GIGYF2: variants seen among roughly 807,000 people sequenced by gnomAD.
GIGYF2 encodes GRB10 interacting GYF protein 2.
GIGYF2 carries 25 observed loss-of-function variants against 208.1 expected under a neutral mutation model. The ratio of observed to expected loss-of-function variants is 0.12; its 90% CI spans 0.09 to 0.17. GIGYF2 has a LOEUF of 0.17. GIGYF2 is among the 10% of genes least tolerant of loss of function. GIGYF2 has a pLI of 1.00. For missense variants in GIGYF2, 1,302 were observed against 1,579.4 expected (o/e 0.82, Z 2.98); for synonymous variants, 534 against 543.8 (o/e 0.98, Z 0.25).
chr2:232,801,230 T>A (rs1021177122), intron 14 of GIGYF2, among the ~76,000 whole-genome samples: 1 of 152,138 alleles, frequency 6.6e-6, no homozygotes, highest in African/African-American at 2.4e-5. Flanking sequence ...ATTACATTTT[T>A]AAATAGTCAT....
At chr2:232,768,296 T>C in intron 8 of GIGYF2, 3 of 1,614,168 alleles carry the variant, frequency 1.9e-6, no homozygotes, top group Non-Finnish European at 2.5e-6. Context: ...CCAGAGGAGT[T>C]GGAAATTCAG....
intron 15 of GIGYF2, among the ~76,000 whole-genome samples, chr2:232,809,318 A>G (rs539846013): frequency 6.6e-6 from 1 of 152,330 alleles, no homozygotes; most frequent in East Asian, 1.9e-4. Flanking sequence ...AAAATTCTGT[A>G]ACATTTCCTT....
At chr2:232,762,346 G>A (rs577767003) in intron 8 of GIGYF2, among the ~76,000 whole-genome samples, 9 of 149,622 alleles carry the variant, frequency 6.0e-5, no homozygotes, top group Admixed American at 1.3e-4. Context: ...TATGCCTCCC[G>A]GGTTCAAGTG....
rs115923961 is a variant in GIGYF2 at position 232,837,608 on chromosome 2, C to T, written c.2767-2241C>T. Among the ~76,000 whole-genome samples, 1,175 of 152,070 alleles carry T rather than the reference C, an allele frequency of 7.7e-3. 14 individuals carry two copies. The highest frequency in any genetic ancestry group is 0.026 in the African/African-American group (1,077 of 41,478). Reference sequence around the variant, plus strand: ...GTAGCTGGATTAAAGGTGTGCGTCACCACACCCAGCTACTTTTTTTTTTTA... The same window carrying T: ...GTAGCTGGATTAAAGGTGTGCGTCATCACACCCAGCTACTTTTTTTTTTTA... On this transcript the variant is annotated intron_variant, in intron 22 of 28. Coordinates refer to ENST00000373563, the MANE Select transcript of GIGYF2 (RefSeq NM_001103146.3).
chr2:232,761,889 AT>A (rs1334108076), intron 8 of GIGYF2, among the ~76,000 whole-genome samples: 1 of 151,306 alleles, frequency 6.6e-6, no homozygotes, highest in East Asian at 1.9e-4. Context: ...AAAAAAAAAA[AT>A]AACTCAGATA....
intron 2 of GIGYF2, among the ~76,000 whole-genome samples, chr2:232,723,734 T>TC (rs1299836977): frequency 2.2e-5 from 3 of 134,694 alleles, no homozygotes; most frequent in Non-Finnish European, 4.8e-5. Flanking sequence ...GGCCTTTTTT[T>TC]TTTTTTTTTT....
At chr2:232,715,868 T>C (rs963208823) in intron 2 of GIGYF2, among the ~76,000 whole-genome samples, 13 of 151,298 alleles carry the variant, frequency 8.6e-5, no homozygotes, top group Admixed American at 4.6e-4. Flanking sequence ...CAAGTTAAAG[T>C]TGAAATGAGT....
intron 21 of GIGYF2, among the ~76,000 whole-genome samples, chr2:232,825,238 T>G (rs2106401166): frequency 6.6e-6 from 1 of 152,378 alleles, no homozygotes; most frequent in East Asian, 1.9e-4. Flanking sequence ...TAATGCTCTG[T>G]GTGTCATGGG....
intron 4 of GIGYF2, among the ~76,000 whole-genome samples, chr2:232,748,769 C>T (rs995002885): frequency 2.6e-5 from 4 of 152,178 alleles, no homozygotes; most frequent in Non-Finnish European, 5.9e-5. Context: ...AAGTGGCAAT[C>T]ACTTGAGAAG....
In GIGYF2 at chr2:232,791,397, G is replaced by C; in HGVS notation, c.1233G>C (p.Glu411Asp). 1 of 1,614,058 alleles carries C rather than the reference G, an allele frequency of 6.2e-7. No individual in the cohort carries two copies. The highest frequency in any genetic ancestry group is 8.5e-7 in the Non-Finnish European group (1 of 1,179,982). ...KTEQTEKAEE[E>D]TRMENSLPAK... ...AGCAAACGGAAAAAGCTGAAGAGGA[G>C]ACTCGGATGGAAAATAGTCTACCAG... Residue 411 changes from glutamate to aspartate, a missense_variant, in exon 12 of 29, where the codon GAG (glutamate) becomes GAC (aspartate). By Grantham distance (45) the Glu-to-Asp change is conservative (BLOSUM62 2). Transcript: ENST00000373563.
At chr2:232,812,878 G>T (rs1266427842) in intron 18 of GIGYF2, among the ~76,000 whole-genome samples, 1 of 152,136 alleles carries the variant, frequency 6.6e-6, no homozygotes, top group East Asian at 1.9e-4. Context: ...GTGTGTGCCT[G>T]TAGTGCTAGC....
intron 2 of GIGYF2, among the ~76,000 whole-genome samples, chr2:232,726,917 A>G (rs1223979525): frequency 2.6e-5 from 4 of 152,232 alleles, no homozygotes; most frequent in South Asian, 2.1e-4. Context: ...AGCATTGTTC[A>G]TAAAGGCAAA....
At position 232,857,288 on chromosome 2, in the gene GIGYF2, A is replaced by G. The variant is rs1690614857; in HGVS notation, c.*428A>G. The G allele has an allele frequency of 1.1e-5, 3 of 278,562 alleles. No homozygotes were observed. The highest frequency in any genetic ancestry group is 7.5e-5 in the South Asian group (2 of 26,532). 17.3% of individuals were successfully genotyped at this position (278,562 alleles called of 1,614,324 possible). A position where few individuals can be genotyped will look rare whatever the true frequency, so the allele number is the denominator to read the frequency against. ...CAGGGCAAATGGTCTAACTGGTGCA[A>G]TCATGAAGAGAGTTAATGGTTAACA... On this transcript the variant is annotated 3_prime_UTR_variant, in exon 29 of 29. Transcript: ENST00000373563.
chr2:232,822,334 CT>C, intron 21 of GIGYF2, among the ~76,000 whole-genome samples: 1 of 152,256 alleles, frequency 6.6e-6, no homozygotes, highest in Middle Eastern at 3.4e-3. Context: ...TTATGTACAT[CT>C]TTAAAAAACT....
intron 9 of GIGYF2, 126 bp downstream of exon 9, chr2:232,787,455 T>G: frequency 1.2e-6 from 1 of 835,504 alleles, no homozygotes; most frequent in South Asian, 1.6e-5. Context: ...TTATTTATGC[T>G]GTCACAGTTT....
At position 232,795,947 on chromosome 2, in the gene GIGYF2, A is replaced by G. The variant is rs368431900; in HGVS notation, c.1480-115A>G. ...AGAAGTTACCTGCTATGTTCTTTGC[A>G]TAGTGACTTTCATAGATCAAGTAGT... On this transcript the variant is annotated intron_variant, in intron 13 of 28. Transcript: ENST00000373563. 21 of 764,466 alleles carry G rather than the reference A, an allele frequency of 2.7e-5. 1 individual carries two copies. The highest frequency in any genetic ancestry group is 1.2e-4 in the African/African-American group (7 of 58,372). 47.4% of individuals were successfully genotyped at this position (764,466 alleles called of 1,614,324 possible). A position where few individuals can be genotyped will look rare whatever the true frequency, so the allele number is the denominator to read the frequency against.
At chr2:232,735,279 T>A in intron 3 of GIGYF2, 41 bp downstream of exon 3, 3 of 1,384,094 alleles carry the variant, frequency 2.2e-6, no homozygotes, top group Non-Finnish European at 3.1e-6. Context: ...ATTGGATGAC[T>A]AATACAGTAG....
intron 14 of GIGYF2, among the ~76,000 whole-genome samples, chr2:232,797,963 A>T (rs1051715531): frequency 6.9e-6 from 1 of 145,386 alleles, no homozygotes; most frequent in Non-Finnish European, 1.5e-5. Flanking sequence ...TCTGTGTGAC[A>T]GAGTGAGACT....
chr2:232,736,724 C>G (rs1029259754), intron 3 of GIGYF2: 1 of 151,864 alleles, frequency 6.6e-6, no homozygotes, highest in African/African-American at 2.4e-5. Flanking sequence ...AAGTTACTTT[C>G]TTAGCCATTT....
Sources: allele counts gnomAD v4.1 joint callset (sites outside exome capture counted in the v4.1 genomes callset), GRCh38; gene constraint gnomAD v4.1.1; transcripts MANE v1.5; gene names NCBI Gene and HGNC (gene_info 2026-07-23, HGNC 2026-07-21).